The following PDLIM2 variants were observed in gnomAD, a reference collection of about 807,000 sequenced individuals.
The protein encoded by PDLIM2 is PDZ and LIM domain protein 2.
A neutral mutation model predicts 54.1 loss-of-function variants in PDLIM2; 51 were observed. That is an observed-to-expected ratio of 0.94 (90% CI 0.75 to 1.19). The LOEUF (loss-of-function observed/expected upper bound fraction) is 1.19, where lower values mean the gene tolerates loss of function less well. Among genes scored for constraint, PDLIM2 ranks in the 50% most tolerant of loss-of-function variants. The pLI is 0.00. For missense variants in PDLIM2, 912 were observed against 874.0 expected (o/e 1.04, Z -0.55); for synonymous variants, 398 against 385.6 (o/e 1.03, Z -0.38).
chr8:22,585,540 C>A, intron 6 of PDLIM2, 141 bp downstream of exon 5: 1 of 821,192 alleles, frequency 1.2e-6, no homozygotes, highest in Non-Finnish European at 1.9e-6. Flanking sequence ...GCATGCTCTG[C>A]TCCTGAGCCA....
Position 22,589,751 on chromosome 8 carries a change from TG to T in PDLIM2, c.1513+16del. The T allele has an allele frequency of 6.4e-7, 1 of 1,559,196 alleles. No individual in the cohort carries two copies. The highest frequency in any genetic ancestry group is 1.2e-5 in the South Asian group (1 of 84,652). ...GAGGCTGAGGAGAGAGGTGAGGGTC[TG>T]GGGGGCTGGGGAGGGGAAGGAGGTT... On this transcript the variant is annotated intron_variant, in intron 8 of 9. Transcript: ENST00000308354.
intron 6 of PDLIM2, chr8:22,587,823 A>G (rs1198904975): frequency 6.6e-6 from 1 of 152,454 alleles, no homozygotes; most frequent in Non-Finnish European, 1.5e-5. Flanking sequence ...GCCTCCTGAC[A>G]TGGCCAAGGC....
chr8:22,593,412 C>G, intron 9 of PDLIM2: 1 of 280,812 alleles, frequency 3.6e-6, no homozygotes, highest in South Asian at 7.1e-5. Flanking sequence ...CCCGTCTCTA[C>G]TAAAAATACA....
intron 8 of PDLIM2, chr8:22,589,964 G>GC: frequency 1.7e-6 from 1 of 577,860 alleles, no homozygotes; most frequent in East Asian, 3.0e-5. Flanking sequence ...AGAGTAGTGG[G>GC]CAGTAGCCAG....
intron 9 of PDLIM2, chr8:22,592,536 T>C: frequency 6.6e-6 from 1 of 152,220 alleles, no homozygotes; most frequent in East Asian, 1.9e-4. Context: ...CTCTGGGCTT[T>C]AGTGTTTTCA....
downstream of PDLIM2, chr8:22,595,386 T>C (rs542297723): frequency 2.6e-5 from 4 of 152,278 alleles, no homozygotes; most frequent in African/African-American, 9.6e-5. Flanking sequence ...GTAGTCTCTT[T>C]GGCGCCACCT....
intron 3 of PDLIM2, 34 bp from the exon 3 acceptor site, chr8:22,584,787 C>T (rs1563863880): frequency 2.5e-6 from 4 of 1,607,416 alleles, no homozygotes; most frequent in Non-Finnish European, 3.4e-6. Flanking sequence ...GTGCAGGGCC[C>T]CTGTGACATT....
intron 9 of PDLIM2, chr8:22,592,648 CG>C (rs1182571594): frequency 6.6e-6 from 1 of 152,146 alleles, no homozygotes; most frequent in African/African-American, 2.4e-5. Context: ...GTGTGTGTGT[CG>C]GGTCCCTTGG....
chr8:22,579,817 T>G (rs1212184605), intron 1 of PDLIM2: 4 of 335,378 alleles, frequency 1.2e-5, no homozygotes, highest in African/African-American at 2.1e-5. Context: ...GCAAGGGCAC[T>G]TCCTTGCCCA....
At position 22,579,472 on chromosome 8, in the gene PDLIM2, G is replaced by C. The variant is rs556546635; in HGVS notation, c.693G>C (p.Ser231=). ...CCAGAACTGGTAGAGCCGGGCCATC[G>C]GGCTGGGCACCTCCCCGCGGCGCCC... Residue 231 remains serine (S), a synonymous_variant, in exon 1 of 10, where the codon TCG becomes TCC. Transcript: ENST00000308354. 68 of 1,515,674 alleles carry C rather than the reference G, an allele frequency of 4.5e-5. 1 individual carries two copies. The African/African-American group carries it at 9.2e-4, about 20-fold the overall frequency. 93.9% of individuals were successfully genotyped at this position (1,515,674 alleles called of 1,614,324 possible).
At chr8:22,582,815 C>T (rs565172960) in intron 3 of PDLIM2, among the ~76,000 whole-genome samples, 26 of 151,830 alleles carry the variant, frequency 1.7e-4, no homozygotes, top group Non-Finnish European at 3.5e-4. Flanking sequence ...CTCCTGACCT[C>T]GTGATCCACT....
chr8:22,594,311 T>C, downstream of PDLIM2: 1 of 1,418,042 alleles, frequency 7.1e-7, no homozygotes, highest in Non-Finnish European at 9.2e-7. Flanking sequence ...AGATGTCCCT[T>C]CCTTCTTTTT....
intron 3 of PDLIM2, among the ~76,000 whole-genome samples, chr8:22,582,909 A>AACC (rs1563861179): frequency 2.7e-5 from 1 of 37,156 alleles, no homozygotes; most frequent in African/African-American, 9.8e-5. Context: ...CGTGATGCCC[A>AACC]CCCCCCCCCC....
chr8:22,594,447 A>T, downstream of PDLIM2: 1 of 1,606,886 alleles, frequency 6.2e-7, no homozygotes, highest in Non-Finnish European at 8.5e-7. Context: ...TGCACCTGAC[A>T]TTTCCCATGG....
chr8:22,584,371 C>CA (rs1800307751), intron 3 of PDLIM2, among the ~76,000 whole-genome samples: 2 of 151,914 alleles, frequency 1.3e-5, no homozygotes, highest in African/African-American at 4.8e-5. Flanking sequence ...GGCAGTGGCA[C>CA]AATCACGGCT....
exon 6 of PDLIM2, chr8:22,585,383 G>A (rs375595776): frequency 1.4e-5 from 22 of 1,610,190 alleles, no homozygotes; most frequent in Admixed American, 3.3e-5. Context: ...TACTCAGGCC[G>A]CCCTGGAAGC....
chr8:22,589,441 G>A, intron 7 of PDLIM2, 67 bp downstream of exon 6: 1 of 1,529,166 alleles, frequency 6.5e-7, no homozygotes, highest in African/African-American at 1.4e-5. Context: ...AGGGAGACGG[G>A]CTTCCCCGAG....
chr8:22,593,948 G>C (rs1800626008), exon 10 of PDLIM2: 1 of 1,537,286 alleles, frequency 6.5e-7, no homozygotes, highest in Admixed American at 2.0e-5. Flanking sequence ...TGCTGGGCCA[G>C]GGTCATGCCT....
At chr8:22,594,507 T>C (rs530422147), downstream of PDLIM2, 114 of 1,613,836 alleles carry the variant, frequency 7.1e-5, no homozygotes, top group South Asian at 1.0e-3. Flanking sequence ...CTTAACCTTT[T>C]TGTAAAGATG....
Sources: allele counts gnomAD v4.1 joint callset (sites outside exome capture counted in the v4.1 genomes callset), GRCh38; gene constraint gnomAD v4.1.1; transcripts MANE v1.5; gene names NCBI Gene and HGNC (gene_info 2026-07-23, HGNC 2026-07-21).